The following NFASC variants were observed in gnomAD, a reference collection of about 807,000 sequenced individuals.
The protein encoded by NFASC is neurofascin.
NFASC carries 43 observed loss-of-function variants against 147.5 expected under a neutral mutation model. That is an observed-to-expected ratio of 0.29 (90% CI 0.23 to 0.38). The LOEUF is 0.38. Ranked by LOEUF, NFASC falls within the 10% of genes least tolerant of loss-of-function variation. The pLI, the probability that NFASC is intolerant of heterozygous loss-of-function variation, is 1.00. For synonymous variants in NFASC, 622 were observed against 665.5 expected, an observed-to-expected ratio of 0.93 and a Z score of 1.01; for missense variants, 1,320 against 1,689.0, an observed-to-expected ratio of 0.78 and a Z score of 3.83.
chr1:204,997,118 G>C, intron 24 of NFASC, 52 bp from the exon 25 acceptor site: 1 of 1,573,042 alleles, frequency 6.4e-7, no homozygotes, highest in Non-Finnish European at 8.7e-7. Flanking sequence ...GTGTGTCCAG[G>C]CTGGGCACAG....
At chr1:204,880,224 G>GACTTAGAC (rs2079892043) in intron 1 of NFASC, among the ~76,000 whole-genome samples, 1 of 152,212 alleles carries the variant, frequency 6.6e-6, no homozygotes, top group Non-Finnish European at 1.5e-5. Flanking sequence ...CTACCTGCGT[G>GACTTAGAC]AGCTAAGAGG....
At position 204,897,015 on chromosome 1, in the gene NFASC, C is replaced by T. The variant is rs371738873; in HGVS notation, c.-199-23617C>T. On this transcript the variant is annotated intron_variant, in intron 1 of 29. Transcript: ENST00000339876. ...AGGTGCTCCTTCTAGCAGCATCAGACTACCTGGAGCTTGTTAGAAATACTG... is the reference window on the plus strand; with the variant it reads ...AGGTGCTCCTTCTAGCAGCATCAGATTACCTGGAGCTTGTTAGAAATACTG... Among the ~76,000 whole-genome samples the T allele has an allele frequency of 7.7e-4, 118 of 152,320 alleles. 1 individual carries two copies. The highest frequency in any genetic ancestry group is 5.0e-3 in the South Asian group (24 of 4,834).
rs57653534 is a variant in NFASC at position 204,856,382 on chromosome 1, G to GGTGTGTGTGTGTGT, written c.-200+27624_-200+27637dup. Among the ~76,000 whole-genome samples, 747 of 139,768 alleles carry GGTGTGTGTGTGTGT rather than the reference G, an allele frequency of 5.3e-3. 6 individuals are homozygous for GGTGTGTGTGTGTGT. The highest frequency in any genetic ancestry group is 1.0e-2 in the East Asian group (46 of 4,616). The allele number at this position is 139,768 out of a possible 152,430, so 91.7% of individuals were successfully genotyped here. A position where few individuals can be genotyped will look rare whatever the true frequency, so the allele number is the denominator to read the frequency against. ...AAGTGCCAAGGAGAGATGCAGAACA[G>GGTGTGTGTGTGTGT]GTGTGTGTGTGTGTGTGTGTGTGTG... is the stretch of plus-strand genomic sequence containing the variant. On this transcript the variant is annotated intron_variant, in intron 1 of 29. Transcript: ENST00000339876.
chr1:204,914,968 A>G (rs2088786265), intron 1 of NFASC, among the ~76,000 whole-genome samples: 1 of 152,202 alleles, frequency 6.6e-6, no homozygotes, highest in African/African-American at 2.4e-5. Flanking sequence ...ACAATGGAAT[A>G]CCATGGAACT....
rs2096335816 is a variant in NFASC at position 205,015,414 on chromosome 1, C to G, written c.3492-894C>G. 6.6e-6 allele frequency among the ~76,000 whole-genome samples: 1 copy of G among 152,200 alleles called. No homozygotes were observed. Among genetic ancestry groups the G allele is most frequent in the South Asian group, 2.1e-4 (1 of 4,832 alleles). ...GGTCCCCACTCTGAGCCTTTCCAGC[C>G]AAGGGAAGGGACATGGTGCCTGAAC... On this transcript the variant is annotated intron_variant, in intron 29 of 29. Coordinates refer to ENST00000339876, the MANE Select transcript of NFASC (RefSeq NM_001005388.3). This position sits in a 1 kb window ranked among gnomAD's most constrained non-coding sequence, Gnocchi z 4.0.
intron 8 of NFASC, among the ~76,000 whole-genome samples, chr1:204,966,978 T>C (rs1429220356): frequency 1.3e-5 from 2 of 152,144 alleles, no homozygotes; most frequent in Non-Finnish European, 2.9e-5. Flanking sequence ...CAAGCTCCTT[T>C]AGGAAGCACC....
chr1:204,851,356 G>T (rs1036487393), intron 1 of NFASC, among the ~76,000 whole-genome samples: 5 of 144,760 alleles, frequency 3.5e-5, no homozygotes, highest in African/African-American at 1.3e-4. Flanking sequence ...TTTTTGAGAC[G>T]GAGTCTCACT....
At chr1:204,834,909 G>A (rs1454225588) in intron 1 of NFASC, among the ~76,000 whole-genome samples, 3 of 151,944 alleles carry the variant, frequency 2.0e-5, no homozygotes, top group Non-Finnish European at 4.4e-5. Context: ...CCAGCCCCTC[G>A]TACTTAGCTT....
rs951319874 is a variant in NFASC, at chr1:204,947,940, TCA to T, written c.92-2614_92-2613del. Reference sequence around the variant, plus strand: ...CTCACACCCACTCACACTCACACCCTCACATATCCTCACATGCTCACACTCAT... The same window carrying T: ...CTCACACCCACTCACACTCACACCCTCATATCCTCACATGCTCACACTCAT... On this transcript the variant is annotated intron_variant, in intron 3 of 29. Transcript: ENST00000339876. 3.6e-4 allele frequency among the ~76,000 whole-genome samples: 54 copies of T among 151,284 alleles called. No homozygotes were observed. The Middle Eastern group carries it at 0.017, about 48-fold the overall frequency.
At chr1:204,843,087 TAA>T (rs1675848468) in intron 1 of NFASC, among the ~76,000 whole-genome samples, 1 of 152,048 alleles carries the variant, frequency 6.6e-6, no homozygotes, top group South Asian at 2.1e-4. Flanking sequence ...CCTTGACAAA[TAA>T]AGAGAGAGCT....
chr1:204,965,393 A>C (rs1573849411), intron 8 of NFASC, among the ~76,000 whole-genome samples: 1 of 152,104 alleles, frequency 6.6e-6, no homozygotes, highest in East Asian at 1.9e-4. Context: ...TCCTTCCTAG[A>C]TTTTCATATG....
At chr1:204,901,425 G>A (rs972925988) in intron 1 of NFASC, among the ~76,000 whole-genome samples, 2 of 152,292 alleles carry the variant, frequency 1.3e-5, no homozygotes, top group Non-Finnish European at 1.5e-5. Context: ...GATGCTAAGT[G>A]AAGGATGTGT....
In NFASC at chr1:204,987,123, G is replaced by C; in HGVS notation, c.2471-295G>C. 1 of 441,186 alleles carries C rather than the reference G, an allele frequency of 2.3e-6. No individual in the cohort carries two copies. Among genetic ancestry groups the C allele is most frequent in the Non-Finnish European group, 4.1e-6 (1 of 244,664 alleles). 27.3% of individuals were successfully genotyped at this position (441,186 alleles called of 1,614,324 possible). A position where few individuals can be genotyped will look rare whatever the true frequency, so the allele number is the denominator to read the frequency against. Reference sequence around the variant, plus strand: ...TTCGAGGTATCTTTGCAGAATCAGAGCCTAACATGTGCTGAATCCAGAGTA... The same window carrying C: ...TTCGAGGTATCTTTGCAGAATCAGACCCTAACATGTGCTGAATCCAGAGTA... On this transcript the variant is annotated intron_variant, in intron 21 of 29. Transcript: ENST00000339876. The surrounding 1 kb of genome is among the most constrained non-coding windows in gnomAD (Gnocchi z 4.4).
chr1:204,941,891 G>T (rs1262950024), intron 2 of NFASC, among the ~76,000 whole-genome samples: 2 of 152,044 alleles, frequency 1.3e-5, no homozygotes, highest in Non-Finnish European at 2.9e-5. Context: ...TGCCACCCAG[G>T]TCCACAGCAT....
In NFASC at chr1:204,841,264, G is replaced by A. The variant is rs148025583; in HGVS notation, c.-200+12482G>A. Among the ~76,000 whole-genome samples the A allele has an allele frequency of 2.6e-5, 4 of 152,300 alleles. No individual in the cohort carries two copies. In the East Asian group the frequency reaches 7.7e-4, roughly 29 times the overall value. Reference sequence around the variant, plus strand: ...ACACTGAGAAAATGGAAGCTCAGAAGGGGAACCACCTTGCCCCACATAGCA... The same window carrying A: ...ACACTGAGAAAATGGAAGCTCAGAAAGGGAACCACCTTGCCCCACATAGCA... On this transcript the variant is annotated intron_variant, in intron 1 of 29. Transcript: ENST00000339876.
Position 204,975,213 on chromosome 1 carries a change from G to A in NFASC, c.1559-58G>A, listed in dbSNP as rs1019183255. 92 of 1,547,516 alleles carry A rather than the reference G, an allele frequency of 5.9e-5. No individual in the cohort carries two copies. The highest frequency in any genetic ancestry group is 7.0e-5 in the Non-Finnish European group (80 of 1,144,756). On this transcript the variant is annotated intron_variant, in intron 14 of 29. Transcript: ENST00000339876. This position sits in a 1 kb window ranked among gnomAD's most constrained non-coding sequence, Gnocchi z 4.0. ...GGCAGACATATGCCACTTTGTGGCC[G>A]CATGGGGATGCTGGGCAGAGAACAG... is the stretch of plus-strand genomic sequence containing the variant.
intron 2 of NFASC, among the ~76,000 whole-genome samples, chr1:204,937,965 G>A (rs2149695939): frequency 6.6e-6 from 1 of 152,342 alleles, no homozygotes; most frequent in African/African-American, 2.4e-5. Context: ...CAGCCCAAAA[G>A]TCTGAGATGG....
rs1328904344 is a variant in NFASC at position 205,003,643 on chromosome 1, C to T, written c.3289+895C>T. On this transcript the variant is annotated intron_variant, in intron 27 of 29. Coordinates refer to ENST00000339876, the MANE Select transcript of NFASC (RefSeq NM_001005388.3). Reference sequence around the variant, plus strand: ...AGAGAAAAGGATCAGTACCTTGCCCCCAGGGGATATCCTAATCAGATGCAG... The same window carrying T: ...AGAGAAAAGGATCAGTACCTTGCCCTCAGGGGATATCCTAATCAGATGCAG... Among the ~76,000 whole-genome samples, 7 of 152,132 alleles carry T rather than the reference C, an allele frequency of 4.6e-5. No individual in the cohort carries two copies. In the South Asian group the frequency reaches 1.2e-3, roughly 27 times the overall value.
intron 16 of NFASC, 55 bp from the exon 17 acceptor site, chr1:204,977,626 A>T (rs978688402): frequency 3.3e-5 from 52 of 1,557,938 alleles, no homozygotes; most frequent in Admixed American, 1.4e-4. Context: ...TCCTTCTAGA[A>T]CACCTTTAAT....
Sources: gnomAD v4.1 joint callset for allele counts (sites outside exome capture counted in the v4.1 genomes callset) on GRCh38, gnomAD v4.1.1 for gene constraint, Gnocchi (gnomAD v3.1) non-coding constraint, MANE v1.5 for transcripts, NCBI Gene and HGNC (gene_info 2026-07-23, HGNC 2026-07-21) for gene names.